Variants in RBFOX1 observed in about 807,000 individuals in gnomAD.
The protein encoded by RBFOX1 is RNA binding protein fox-1 homolog 1.
A neutral mutation model predicts 57.7 loss-of-function variants in RBFOX1; 8 were observed. That is an observed-to-expected ratio of 0.14 (90% CI 0.08 to 0.25). The LOEUF is 0.25. RBFOX1 is among the 10% of genes least tolerant of loss of function. The pLI is 1.00. For missense variants in RBFOX1, 611 were observed against 548.5 expected, an observed-to-expected ratio of 1.11 and a Z score of -1.14; for synonymous variants, 326 against 222.4, an observed-to-expected ratio of 1.47 and a Z score of -4.15.
rs534434268 is a variant in RBFOX1 at position 6,097,519 on chromosome 16, C to T, written c.-127+77527C>T. 2.0e-5 allele frequency among the ~76,000 whole-genome samples: 3 copies of T among 152,280 alleles called. No homozygotes were observed. The highest frequency in any genetic ancestry group is 7.2e-5 in the African/African-American group (3 of 41,558). ...AGGAACCAGCAATCTGTGCTTTCAA[C>T]AAGCTCTCTGAGTGCTTCTTCTGAA... On this transcript the variant is annotated intron_variant, in intron 1 of 15. Transcript: ENST00000550418. This position sits in a 1 kb window ranked among gnomAD's most constrained non-coding sequence, Gnocchi z 5.0.
At chr16:7,041,806 A>G (rs766584324) in intron 3 of RBFOX1, among the ~76,000 whole-genome samples, 38 of 152,192 alleles carry the variant, frequency 2.5e-4, no homozygotes, top group Admixed American at 3.9e-4. Context: ...CATTAATTTG[A>G]ATACCAATTG....
Position 6,035,624 on chromosome 16 carries a change from G to A in RBFOX1, c.-127+15632G>A, listed in dbSNP as rs577536843. Among the ~76,000 whole-genome samples, 13 of 152,094 alleles carry A rather than the reference G, an allele frequency of 8.5e-5. 1 individual carries two copies. The South Asian group carries it at 2.3e-3, about 27-fold the overall frequency. On this transcript the variant is annotated intron_variant, in intron 1 of 15. Coordinates refer to ENST00000550418, the MANE Select transcript of RBFOX1 (RefSeq NM_018723.4). ...AATGCTCTACATCAAAATGGCAAGCGGGAGGCATCAGCCCTCCCAGCTCCC... is the reference window on the plus strand; with the variant it reads ...AATGCTCTACATCAAAATGGCAAGCAGGAGGCATCAGCCCTCCCAGCTCCC...
At chr16:7,356,485 C>G (rs956330787) in intron 4 of RBFOX1, among the ~76,000 whole-genome samples, 2 of 151,838 alleles carry the variant, frequency 1.3e-5, no homozygotes, top group Admixed American at 1.3e-4. Context: ...TGGCCAGGGC[C>G]TTGTGATGGA....
At chr16:7,371,456 A>G (rs754993445) in intron 4 of RBFOX1, among the ~76,000 whole-genome samples, 7 of 152,206 alleles carry the variant, frequency 4.6e-5, no homozygotes, top group South Asian at 2.1e-4. Context: ...GTGTATAGAT[A>G]TGCACATATA....
At chr16:7,226,001 G>A (rs12933600) in intron 4 of RBFOX1, among the ~76,000 whole-genome samples, 24,585 of 151,230 alleles carry the variant, frequency 0.16, 2,391 homozygotes, top group Non-Finnish European at 0.2. Flanking sequence ...TAAGGAATGG[G>A]CCTTGCTGAA....
Position 7,479,732 on chromosome 16 carries a change from GTGATTGGAGC to G in RBFOX1, c.28-38412_28-38403del, listed in dbSNP as rs527677339. On this transcript the variant is annotated intron_variant, in intron 4 of 15. Coordinates refer to ENST00000550418, the MANE Select transcript of RBFOX1 (RefSeq NM_018723.4). ...GCACCTGGAGGGGGGGCAGGTGTAG[GTGATTGGAGC>G]TGGAATTTCTCTAGTGTGATAGTGG... Among the ~76,000 whole-genome samples the G allele has an allele frequency of 2.4e-3, 367 of 152,278 alleles. 1 individual carries two copies. Among genetic ancestry groups the G allele is most frequent in the African/African-American group, 8.3e-3 (345 of 41,534 alleles).
chr16:7,156,219 C>CAT (rs777701245), intron 4 of RBFOX1, among the ~76,000 whole-genome samples: 26 of 148,560 alleles, frequency 1.8e-4, no homozygotes, highest in African/African-American at 4.6e-4. Context: ...TCTGGAAGTC[C>CAT]ATATATATAT....
chr16:7,049,110 T>G (rs1197824749), intron 3 of RBFOX1, among the ~76,000 whole-genome samples: 1 of 152,300 alleles, frequency 6.6e-6, no homozygotes, highest in Middle Eastern at 3.4e-3. Flanking sequence ...GGGGTGATTT[T>G]CCCAAATTAT....
intron 2 of RBFOX1, among the ~76,000 whole-genome samples, chr16:5,474,253 T>A (rs1318418624): frequency 6.6e-6 from 1 of 152,248 alleles, no homozygotes; most frequent in Non-Finnish European, 1.5e-5. Context: ...ACAGGACTTT[T>A]AAAAATTAAT....
At chr16:6,111,352 C>A (rs546442276) in intron 1 of RBFOX1, among the ~76,000 whole-genome samples, 1 of 152,136 alleles carries the variant, frequency 6.6e-6, no homozygotes, top group African/African-American at 2.4e-5. Flanking sequence ...TTATGGTGAA[C>A]TGGGATGGGC....
At chr16:7,533,618 C>T (rs979740361) in intron 5 of RBFOX1, among the ~76,000 whole-genome samples, 2 of 152,176 alleles carry the variant, frequency 1.3e-5, no homozygotes, top group African/African-American at 4.8e-5. Context: ...AATCATCTAA[C>T]ACAAAGCCTC....
rs374249640 is a variant in RBFOX1 at position 7,667,660 on chromosome 16, C to G, written c.930+2692C>G. 2.6e-4 allele frequency among the ~76,000 whole-genome samples: 37 copies of G among 144,156 alleles called. No homozygotes were observed. In the East Asian group the frequency reaches 7.8e-3, roughly 30 times the overall value. 94.6% of individuals were successfully genotyped at this position (144,156 alleles called of 152,430 possible). On this transcript the variant is annotated intron_variant, in intron 13 of 15. Coordinates refer to ENST00000550418, the MANE Select transcript of RBFOX1 (RefSeq NM_018723.4). ...TATATGTTAGACACATCAGATACCT[C>G]GAATAGATTTAAACCTCTTTTTGTT...
At chr16:6,062,350 G>C (rs1405867423) in intron 1 of RBFOX1, among the ~76,000 whole-genome samples, 1 of 151,914 alleles carries the variant, frequency 6.6e-6, no homozygotes, top group Non-Finnish European at 1.5e-5. Flanking sequence ...CCTCTAACTA[G>C]AAGGTAGGTC....
chr16:6,678,237 A>T (rs574097774), intron 3 of RBFOX1, among the ~76,000 whole-genome samples: 3 of 151,964 alleles, frequency 2.0e-5, no homozygotes, highest in African/African-American at 7.3e-5. Flanking sequence ...CATTTATCCA[A>T]CTTCATCCTC....
At chr16:6,845,437 A>G (rs1036589433) in intron 3 of RBFOX1, among the ~76,000 whole-genome samples, 7 of 152,016 alleles carry the variant, frequency 4.6e-5, no homozygotes, top group South Asian at 4.2e-4. Context: ...TAAATAGAGA[A>G]TCCTTTCCCC....
chr16:5,316,977 G>C (rs896168232), intron 1 of RBFOX1, among the ~76,000 whole-genome samples: 2 of 152,114 alleles, frequency 1.3e-5, no homozygotes, highest in African/African-American at 4.8e-5. Context: ...TGGAGGAGCT[G>C]GGATGCCCAT....
At chr16:6,687,552 G>A (rs766494395) in intron 3 of RBFOX1, among the ~76,000 whole-genome samples, 4 of 152,172 alleles carry the variant, frequency 2.6e-5, no homozygotes, top group Non-Finnish European at 5.9e-5. Flanking sequence ...ATATCTTGGT[G>A]TTTTATCACT....
At chr16:7,108,181 A>G (rs778899636) in intron 4 of RBFOX1, among the ~76,000 whole-genome samples, 5 of 152,178 alleles carry the variant, frequency 3.3e-5, no homozygotes, top group Non-Finnish European at 5.9e-5. Flanking sequence ...TTAATCTCTG[A>G]TGGTTCAGAA....
intron 1 of RBFOX1, among the ~76,000 whole-genome samples, chr16:5,267,878 T>C (rs1344359990): frequency 6.6e-6 from 1 of 152,026 alleles, no homozygotes. Flanking sequence ...GGTCAGGAGT[T>C]TGAGCACAGC....
Sources: allele counts gnomAD v4.1 joint callset (sites outside exome capture counted in the v4.1 genomes callset), GRCh38; gene constraint gnomAD v4.1.1; non-coding constraint Gnocchi (gnomAD v3.1); transcripts MANE v1.5; gene names NCBI Gene and HGNC (gene_info 2026-07-23, HGNC 2026-07-21).